Variants in WWOX observed in about 807,000 individuals in gnomAD.
WWOX encodes the protein WW domain-containing oxidoreductase.
Under a neutral mutation model 46.2 loss-of-function variants are expected in WWOX, and 69 were observed. The observed-to-expected ratio is 1.49, with a 90% confidence interval of 1.23 to 1.82. The LOEUF is 1.82. Ranked by LOEUF, WWOX falls within the 40% of genes most tolerant of loss-of-function variation. WWOX has a pLI of 0.00. For synonymous variants in WWOX, 359 were observed against 202.6 expected (o/e 1.77, Z -6.56); for missense variants, 919 against 542.6 (o/e 1.69, Z -6.89).
At chr16:79,122,129 G>T (rs1305554842) in intron 8 of WWOX, among the ~76,000 whole-genome samples, 4 of 152,158 alleles carry the variant, frequency 2.6e-5, no homozygotes, top group African/African-American at 9.7e-5. Flanking sequence ...ACCTCGGAGC[G>T]CGTGGGCCGG....
rs1006254736 is a variant in WWOX at position 78,959,521 on chromosome 16, A to G, written c.1057-252087A>G. Among the ~76,000 whole-genome samples, 6 of 152,180 alleles carry G rather than the reference A, an allele frequency of 3.9e-5. No individual in the cohort carries two copies. In the South Asian group the frequency reaches 1.2e-3, roughly 32 times the overall value. On this transcript the variant is annotated intron_variant, in intron 8 of 8. Coordinates refer to ENST00000566780, the MANE Select transcript of WWOX (RefSeq NM_016373.4). ...CATCCATCTATTCACTCATGCATTCATCCACCTGTTCATCCATTCATCTGT... is the reference window on the plus strand; with the variant it reads ...CATCCATCTATTCACTCATGCATTCGTCCACCTGTTCATCCATTCATCTGT...
At chr16:78,824,854 C>G (rs900047313) in intron 8 of WWOX, among the ~76,000 whole-genome samples, 2 of 152,124 alleles carry the variant, frequency 1.3e-5, no homozygotes, top group East Asian at 3.9e-4. Flanking sequence ...TATCAGGGTC[C>G]TAGGCAACTT....
At chr16:78,289,339 C>A (rs1346244461) in intron 5 of WWOX, among the ~76,000 whole-genome samples, 2 of 152,048 alleles carry the variant, frequency 1.3e-5, no homozygotes, top group Non-Finnish European at 2.9e-5. Context: ...GAAGGCATGT[C>A]CTAGAGTGGT....
chr16:78,885,128 G>T (rs560872332), intron 8 of WWOX, among the ~76,000 whole-genome samples: 2 of 151,934 alleles, frequency 1.3e-5, no homozygotes, highest in Admixed American at 6.6e-5. Context: ...TTGTGGAGTG[G>T]GCTAAATGGC....
At chr16:79,193,218 T>G (rs773599846) in intron 8 of WWOX, among the ~76,000 whole-genome samples, 33 of 152,294 alleles carry the variant, frequency 2.2e-4, no homozygotes, top group South Asian at 1.7e-3. Context: ...ATCTCCAAAT[T>G]TGATTCCCTC....
intron 8 of WWOX, among the ~76,000 whole-genome samples, chr16:78,737,074 G>T (rs1377339837): frequency 2.0e-5 from 3 of 151,760 alleles, no homozygotes; most frequent in African/African-American, 4.8e-5. Flanking sequence ...GTCGTTCCTT[G>T]CTCATCTGTC....
Position 78,862,132 on chromosome 16 carries a change from A to G in WWOX, c.1057-349476A>G, listed in dbSNP as rs144475067. Among the ~76,000 whole-genome samples, 705 of 151,100 alleles carry G rather than the reference A, an allele frequency of 4.7e-3. 11 individuals are homozygous for G. The highest frequency in any genetic ancestry group is 0.016 in the African/African-American group (673 of 41,302). On this transcript the variant is annotated intron_variant, in intron 8 of 8. Coordinates refer to ENST00000566780, the MANE Select transcript of WWOX (RefSeq NM_016373.4). The stretch of plus-strand genomic sequence containing the variant: ...CACACACCTATGGGTGTGTCTATCT[A>G]TATCTATACACACCTATGGGTGTGT...
intron 8 of WWOX, among the ~76,000 whole-genome samples, chr16:78,587,193 C>CTTTTTTTTTTTTTTTTTTTTTTTTTT (rs528293412): frequency 2.7e-5 from 3 of 112,908 alleles, no homozygotes; most frequent in African/African-American, 1.0e-4. Context: ...GCCTGGCTAA[C>CTTTTTTTTTTTTTTTTTTTTTTTTTT]TTTTTTTTTT....
At chr16:78,533,641 G>T (rs8046648) in intron 8 of WWOX, among the ~76,000 whole-genome samples, 184 of 152,274 alleles carry the variant, frequency 1.2e-3, no homozygotes, top group African/African-American at 4.2e-3. Flanking sequence ...AGGCAGACCT[G>T]TGATTATTTT....
chr16:78,991,644 G>A lies in WWOX; in HGVS notation c.1057-219964G>A, dbSNP rs577911901. Among the ~76,000 whole-genome samples the A allele has an allele frequency of 4.3e-4, 65 of 149,762 alleles. 1 individual carries two copies. The highest frequency in any genetic ancestry group is 1.6e-3 in the African/African-American group (64 of 40,802). On this transcript the variant is annotated intron_variant, in intron 8 of 8. Coordinates refer to ENST00000566780, the MANE Select transcript of WWOX (RefSeq NM_016373.4). ...AGATTCTCCACCTACCAGTGGTGGG[G>A]CCCCTTGGGTAACTTGTTTTCACTC... is the stretch of plus-strand genomic sequence containing the variant.
chr16:78,367,143 C>A (rs1040275065), intron 5 of WWOX, among the ~76,000 whole-genome samples: 2 of 151,960 alleles, frequency 1.3e-5, no homozygotes, highest in African/African-American at 2.4e-5. Context: ...CCACGCCCGG[C>A]TAATTTTTTA....
At chr16:78,657,051 A>C (rs2047097349) in intron 8 of WWOX, among the ~76,000 whole-genome samples, 2 of 152,248 alleles carry the variant, frequency 1.3e-5, no homozygotes, top group South Asian at 4.2e-4. Context: ...AGCCCCTTGT[A>C]GGGCTTTCTG....
At chr16:78,935,801 A>G (rs1417981243) in intron 8 of WWOX, among the ~76,000 whole-genome samples, 2 of 152,096 alleles carry the variant, frequency 1.3e-5, no homozygotes, top group Non-Finnish European at 2.9e-5. Context: ...TACCCCAGCT[A>G]CTTGGGAGGC....
intron 4 of WWOX, among the ~76,000 whole-genome samples, chr16:78,136,422 T>C (rs1326940852): frequency 6.6e-6 from 1 of 152,184 alleles, no homozygotes; most frequent in Non-Finnish European, 1.5e-5. Flanking sequence ...GTGTCTGCTT[T>C]GGTGTTCATT....
chr16:78,690,899 A>T (rs760385432), intron 8 of WWOX, among the ~76,000 whole-genome samples: 3 of 152,118 alleles, frequency 2.0e-5, no homozygotes, highest in African/African-American at 7.2e-5. Context: ...GGGGTTTTCA[A>T]ATATTGCAGG....
At chr16:78,787,762 G>A (rs914323665) in intron 8 of WWOX, among the ~76,000 whole-genome samples, 2 of 152,180 alleles carry the variant, frequency 1.3e-5, no homozygotes, top group East Asian at 3.8e-4. Flanking sequence ...CACGGAGGCT[G>A]CACCATTTTA....
chr16:79,052,113 T>C (rs2048179201), intron 8 of WWOX, among the ~76,000 whole-genome samples: 1 of 152,014 alleles, frequency 6.6e-6, no homozygotes, highest in Non-Finnish European at 1.5e-5. Flanking sequence ...TATGTATACA[T>C]GTGCCATGCT....
chr16:78,328,653 AAG>A (rs748813302), intron 5 of WWOX, among the ~76,000 whole-genome samples: 2 of 152,172 alleles, frequency 1.3e-5, no homozygotes, highest in Admixed American at 1.3e-4. Context: ...GAAAGTTACT[AAG>A]AGAGAACAGA....
chr16:78,829,400 A>T (rs1400713348), intron 8 of WWOX, among the ~76,000 whole-genome samples: 1 of 152,194 alleles, frequency 6.6e-6, no homozygotes, highest in African/African-American at 2.4e-5. Flanking sequence ...AGATTAGATG[A>T]GATCCACCCC....
Sources: allele counts gnomAD v4.1 joint callset (sites outside exome capture counted in the v4.1 genomes callset), GRCh38; gene constraint gnomAD v4.1.1; transcripts MANE v1.5; gene names NCBI Gene and HGNC (gene_info 2026-07-23, HGNC 2026-07-21).